The following NCOA1 variants were observed in gnomAD, a reference collection of about 807,000 sequenced individuals.
NCOA1 encodes the protein nuclear receptor coactivator 1.
In NCOA1, 35 loss-of-function variants were observed where a neutral mutation model predicts 150.9. The observed-to-expected ratio is 0.23, with a 90% CI of 0.18 to 0.31. The LOEUF (loss-of-function observed/expected upper bound fraction) is 0.31. Among genes scored for constraint, NCOA1 ranks in the 10% least tolerant of loss-of-function variants. The pLI is 1.00. For synonymous variants in NCOA1, 590 were observed against 630.0 expected (o/e 0.94, Z 0.95); for missense variants, 1,491 against 1,749.3 (o/e 0.85, Z 2.63).
At chr2:24,529,486 C>G (rs1664790873) in intron 1 of NCOA1, among the ~76,000 whole-genome samples, 1 of 152,130 alleles carries the variant, frequency 6.6e-6, no homozygotes, top group African/African-American at 2.4e-5. Context: ...TGTCACCATA[C>G]TTGGCTAATT....
intron 1 of NCOA1, among the ~76,000 whole-genome samples, chr2:24,500,088 G>A (rs1047208478): frequency 1.1e-4 from 16 of 152,014 alleles, no homozygotes; most frequent in African/African-American, 3.6e-4. Flanking sequence ...CTTTTAGCCC[G>A]GTAGTTTCTT....
intron 3 of NCOA1, among the ~76,000 whole-genome samples, chr2:24,641,750 T>G (rs1670226356): frequency 6.6e-6 from 1 of 152,146 alleles, no homozygotes; most frequent in African/African-American, 2.4e-5. Context: ...TTTCCTTGTA[T>G]GTGACGTGCT....
intron 4 of NCOA1, among the ~76,000 whole-genome samples, chr2:24,652,037 C>T (rs183810564): frequency 6.6e-6 from 1 of 152,132 alleles, no homozygotes; most frequent in Admixed American, 6.5e-5. Flanking sequence ...TAGTTAAATA[C>T]TCAAGAGAAT....
chr2:24,713,719 A>C lies in NCOA1; in HGVS notation c.2599+2608A>C, dbSNP rs1673875067. Among the ~76,000 whole-genome samples, 5 of 152,210 alleles carry C rather than the reference A, an allele frequency of 3.3e-5. No individual in the cohort carries two copies. The South Asian group carries it at 1.0e-3, about 32-fold the overall frequency. On this transcript the variant is annotated intron_variant, in intron 14 of 22. Coordinates refer to ENST00000348332, the MANE Select transcript of NCOA1 (RefSeq NM_003743.5). Reference sequence around the variant, plus strand: ...AGGAAGCAAGTCAGGTGAGCTCTACAATCATCTCAGCTTTTTTCTTGGAGA... The same window carrying C: ...AGGAAGCAAGTCAGGTGAGCTCTACCATCATCTCAGCTTTTTTCTTGGAGA...
At chr2:24,522,876 G>A (rs1664474619) in intron 1 of NCOA1, among the ~76,000 whole-genome samples, 1 of 152,104 alleles carries the variant, frequency 6.6e-6, no homozygotes, top group African/African-American at 2.4e-5. Flanking sequence ...TTGTCTTAAA[G>A]TTTGTAGTAC....
intron 5 of NCOA1, among the ~76,000 whole-genome samples, chr2:24,660,986 G>A (rs927206941): frequency 3.3e-5 from 5 of 152,062 alleles, no homozygotes; most frequent in African/African-American, 7.2e-5. Flanking sequence ...ACTTGAACCC[G>A]GGAGGTGGAG....
rs116436180 is a variant in NCOA1, at chr2:24,598,642, G to A, written c.-175+14082G>A. The stretch of plus-strand genomic sequence containing the variant: ...GGACAGGGAGAAACTGGCAAAGAGC[G>A]TTGCATATACATTTTAAATTTGTTT... On this transcript the variant is annotated intron_variant, in intron 3 of 22. Transcript: ENST00000348332. Among the ~76,000 whole-genome samples, 1,154 of 151,990 alleles carry A rather than the reference G, an allele frequency of 7.6e-3. 10 individuals carry two copies. The highest frequency in any genetic ancestry group is 0.026 in the African/African-American group (1,094 of 41,454).
chr2:24,557,834 A>G (rs1406518329), intron 1 of NCOA1, among the ~76,000 whole-genome samples: 1 of 151,466 alleles, frequency 6.6e-6, no homozygotes, highest in Non-Finnish European at 1.5e-5. Flanking sequence ...CTGTAATTTT[A>G]ATCTTTGTTC....
At chr2:24,621,359 A>G (rs1669145868) in intron 3 of NCOA1, among the ~76,000 whole-genome samples, 2 of 142,528 alleles carry the variant, frequency 1.4e-5, no homozygotes, top group Admixed American at 1.4e-4. Context: ...GAACCACTTC[A>G]GTGTCTAATT....
chr2:24,566,319 C>T (rs769065535), intron 2 of NCOA1, among the ~76,000 whole-genome samples: 8 of 151,580 alleles, frequency 5.3e-5, no homozygotes, highest in Non-Finnish European at 7.4e-5. Flanking sequence ...CTGGTCATCC[C>T]ATCCTCTCCT....
chr2:24,614,488 G>A (rs1471601256), intron 3 of NCOA1, among the ~76,000 whole-genome samples: 1 of 151,652 alleles, frequency 6.6e-6, no homozygotes, highest in South Asian at 2.1e-4. Flanking sequence ...CCTCGGCCTT[G>A]CAAAGTGCTG....
chr2:24,612,497 G>C (rs1668672858), intron 3 of NCOA1, among the ~76,000 whole-genome samples: 1 of 152,134 alleles, frequency 6.6e-6, no homozygotes, highest in South Asian at 2.1e-4. Flanking sequence ...CAGGTTGTTT[G>C]CTTTTTCTCC....
At chr2:24,745,953 T>C (rs1663895193) in intron 19 of NCOA1, among the ~76,000 whole-genome samples, 1 of 152,202 alleles carries the variant, frequency 6.6e-6, no homozygotes, top group African/African-American at 2.4e-5. Context: ...CTCTCAGATA[T>C]ATCTCCTCTG....
chr2:24,580,570 G>A (rs374247540), intron 2 of NCOA1, among the ~76,000 whole-genome samples: 2 of 152,082 alleles, frequency 1.3e-5, no homozygotes, highest in South Asian at 4.2e-4. Flanking sequence ...TACATCTTTT[G>A]TTTTACCTAT....
chr2:24,559,962 T>C (rs1469299675), intron 1 of NCOA1, among the ~76,000 whole-genome samples: 1 of 152,172 alleles, frequency 6.6e-6, no homozygotes, highest in Non-Finnish European at 1.5e-5. Flanking sequence ...TCCTAGTGGC[T>C]TGAGGCTTTT....
chr2:24,593,220 G>A (rs1667732805), intron 3 of NCOA1, among the ~76,000 whole-genome samples: 2 of 152,176 alleles, frequency 1.3e-5, no homozygotes, highest in South Asian at 4.2e-4. Flanking sequence ...CTATTGAGAA[G>A]GGAAAGGAAA....
intron 6 of NCOA1, among the ~76,000 whole-genome samples, chr2:24,670,212 GA>G (rs1671620492): frequency 6.6e-6 from 1 of 152,210 alleles, no homozygotes; most frequent in South Asian, 2.1e-4. Context: ...GATGGGAATG[GA>G]AAATGATGGA....
intron 1 of NCOA1, among the ~76,000 whole-genome samples, chr2:24,519,440 G>C (rs1023766736): frequency 6.6e-6 from 1 of 151,992 alleles, no homozygotes; most frequent in Non-Finnish European, 1.5e-5. Flanking sequence ...CTATGGTGAT[G>C]GTTACATGTA....
chr2:24,670,425 C>A (rs1272163415), intron 6 of NCOA1, among the ~76,000 whole-genome samples: 2 of 152,132 alleles, frequency 1.3e-5, no homozygotes, highest in African/African-American at 2.4e-5. Flanking sequence ...ACTACCCATA[C>A]GTCCATCAGC....
Sources: allele counts gnomAD v4.1 joint callset (sites outside exome capture counted in the v4.1 genomes callset), GRCh38; gene constraint gnomAD v4.1.1; transcripts MANE v1.5; gene names NCBI Gene and HGNC (gene_info 2026-07-23, HGNC 2026-07-21).